The following SPATS2L variants were observed in gnomAD, a reference collection of about 807,000 sequenced individuals.
The protein encoded by SPATS2L is SPATS2-like protein.
SPATS2L carries 30 observed loss-of-function variants against 59.6 expected under a neutral mutation model. The observed-to-expected ratio is 0.50, with a 90% confidence interval of 0.38 to 0.68. The LOEUF is 0.68. Ranked by LOEUF, SPATS2L falls within the 30% of genes least tolerant of loss-of-function variation. SPATS2L has a pLI of 0.00. For missense variants in SPATS2L, 615 were observed against 700.0 expected (o/e 0.88, Z 1.37); for synonymous variants, 252 against 263.5 (o/e 0.96, Z 0.42).
chr2:200,421,615 T>G (rs553062081), intron 6 of SPATS2L, among the ~76,000 whole-genome samples: 2 of 152,344 alleles, frequency 1.3e-5, no homozygotes, highest in African/African-American at 4.8e-5. Context: ...CTAATAGTGC[T>G]GAAACTCATG....
chr2:200,343,389 G>T (rs1204685139), intron 2 of SPATS2L, among the ~76,000 whole-genome samples: 1 of 152,114 alleles, frequency 6.6e-6, no homozygotes, highest in African/African-American at 2.4e-5. Context: ...CAGAATTATG[G>T]ATACAAGCAC....
chr2:200,338,487 G>A (rs2080215561), intron 2 of SPATS2L, among the ~76,000 whole-genome samples: 1 of 152,158 alleles, frequency 6.6e-6, no homozygotes, highest in Admixed American at 6.5e-5. Flanking sequence ...CAAAAAACCT[G>A]AACAAGGCAA....
At chr2:200,328,763 T>C (rs1380577343) in intron 1 of SPATS2L, among the ~76,000 whole-genome samples, 2 of 152,186 alleles carry the variant, frequency 1.3e-5, no homozygotes, top group Non-Finnish European at 2.9e-5. Flanking sequence ...GAGTGATTGA[T>C]TGGTTGACTT....
chr2:200,354,213 G>A (rs2080834092), intron 2 of SPATS2L, among the ~76,000 whole-genome samples: 1 of 152,186 alleles, frequency 6.6e-6, no homozygotes, highest in Admixed American at 6.5e-5. Context: ...AGAAAGGGGT[G>A]TTGATGTTCC....
chr2:200,397,182 G>A (rs1304558687), intron 3 of SPATS2L, among the ~76,000 whole-genome samples: 1 of 152,184 alleles, frequency 6.6e-6, no homozygotes, highest in Non-Finnish European at 1.5e-5. Context: ...TTTCCTGGTA[G>A]CCCCTGTGCA....
At chr2:200,369,222 G>A (rs563276539) in intron 2 of SPATS2L, among the ~76,000 whole-genome samples, 36 of 152,154 alleles carry the variant, frequency 2.4e-4, no homozygotes, top group Admixed American at 3.3e-4. Flanking sequence ...GCAGTGGTGC[G>A]ATCTCAGCCC....
intron 4 of SPATS2L, among the ~76,000 whole-genome samples, chr2:200,415,697 A>T (rs2083031467): frequency 6.6e-6 from 1 of 151,982 alleles, no homozygotes; most frequent in East Asian, 1.9e-4. Context: ...AATTTAATAT[A>T]ATTTGAATAT....
rs1372426593 is a variant in SPATS2L at position 200,480,225 on chromosome 2, G to C, written c.*2194G>C. 1 of 152,782 alleles carries C rather than the reference G, an allele frequency of 6.5e-6. No individual in the cohort carries two copies. The highest frequency in any genetic ancestry group is 2.4e-5 in the African/African-American group (1 of 41,376). 9.5% of individuals were successfully genotyped at this position (152,782 alleles called of 1,614,324 possible). A position where few individuals can be genotyped will look rare whatever the true frequency, so the allele number is the denominator to read the frequency against. ...CCTCGACTCACTCCCTTAGGGTTAAGAAAGCCCAAACACATTCCTGAGCAC... is the reference window on the plus strand; with the variant it reads ...CCTCGACTCACTCCCTTAGGGTTAACAAAGCCCAAACACATTCCTGAGCAC... On this transcript the variant is annotated 3_prime_UTR_variant, in exon 13 of 13. Coordinates refer to ENST00000409140, the MANE Select transcript of SPATS2L (RefSeq NM_001100423.2).
intron 2 of SPATS2L, among the ~76,000 whole-genome samples, chr2:200,359,571 AT>A (rs2081029620): frequency 6.6e-6 from 1 of 152,162 alleles, no homozygotes; most frequent in African/African-American, 2.4e-5. Flanking sequence ...TCTGCAATAT[AT>A]TGGCGCTCAA....
At chr2:200,320,450 T>G (rs1354938906) in intron 1 of SPATS2L, among the ~76,000 whole-genome samples, 1 of 152,206 alleles carries the variant, frequency 6.6e-6, no homozygotes, top group Non-Finnish European at 1.5e-5. Context: ...TTCTATTCTC[T>G]TTACAGAATC....
intron 1 of SPATS2L, among the ~76,000 whole-genome samples, chr2:200,317,222 C>T (rs74390613): frequency 0.027 from 4,145 of 152,274 alleles, 87 homozygotes; most frequent in Non-Finnish European, 0.042. Context: ...AAAAAGAGGA[C>T]GGGCTTTGGC....
intron 2 of SPATS2L, 84 bp from the exon 3 acceptor site, chr2:200,389,135 GAAGT>G: frequency 2.6e-6 from 2 of 762,480 alleles, no homozygotes; most frequent in Non-Finnish European, 4.3e-6. Context: ...ATGACCGAAT[GAAGT>G]TGTTTACTGT....
At chr2:200,351,159 C>T (rs1169345215) in intron 2 of SPATS2L, 7 of 456,866 alleles carry the variant, frequency 1.5e-5, no homozygotes, top group East Asian at 1.4e-4. Flanking sequence ...GAAAGCAGTG[C>T]GAACTCTGAG....
At chr2:200,412,196 A>G in intron 3 of SPATS2L, 115 bp from the exon 4 acceptor site, 2 of 585,476 alleles carry the variant, frequency 3.4e-6, no homozygotes, top group Non-Finnish European at 5.8e-6. Context: ...AAGGTAGATT[A>G]GTTGGCTTTT....
intron 3 of SPATS2L, among the ~76,000 whole-genome samples, chr2:200,397,106 C>T (rs942737414): frequency 6.6e-5 from 10 of 152,192 alleles, no homozygotes; most frequent in Admixed American, 6.5e-4. Flanking sequence ...TTCCAGGCTA[C>T]ATGATCGGAA....
At position 200,477,690 on chromosome 2, in the gene SPATS2L, C is replaced by A. The variant is rs767462593; in HGVS notation, c.1336C>A (p.Leu446Ile). The change falls in exon 13 of 13, where the codon CTA (leucine) becomes ATA (isoleucine). Residue 446 changes from leucine (L) to isoleucine (I), a missense_variant. Leu to Ile is a conservative substitution (Grantham distance 5). Around this residue, in one of 3 missense-constraint regions of SPATS2L, gnomAD observed 284 missense variants for 280.1 expected, o/e 1.01. Coordinates refer to ENST00000409140, the MANE Select transcript of SPATS2L (RefSeq NM_001100423.2). ...RFNPQYHNNR[L>I]NGPAKSQGSG... Reference sequence around the variant, plus strand: ...TAATCCACAGTATCATAACAACAGGCTAAATGGGCCTGCCAAGTCGCAGGG... The same window carrying A: ...TAATCCACAGTATCATAACAACAGGATAAATGGGCCTGCCAAGTCGCAGGG... 4 of 1,565,680 alleles carry A rather than the reference C, an allele frequency of 2.6e-6. No individual in the cohort carries two copies. Among genetic ancestry groups the A allele is most frequent in the South Asian group, 1.2e-5 (1 of 85,118 alleles).
intron 1 of SPATS2L, among the ~76,000 whole-genome samples, chr2:200,321,153 TGTGA>T (rs1042393847): frequency 1.3e-5 from 2 of 152,302 alleles, no homozygotes; most frequent in Non-Finnish European, 2.9e-5. Flanking sequence ...TGTGTGAGGT[TGTGA>T]GTGTGTGTGC....
chr2:200,341,884 G>T (rs985815873), intron 2 of SPATS2L, among the ~76,000 whole-genome samples: 4 of 151,882 alleles, frequency 2.6e-5, no homozygotes, highest in Non-Finnish European at 4.4e-5. Flanking sequence ...TAGAGATGGG[G>T]TTTCACCATG....
chr2:200,465,079 C>T (rs2086500067), intron 9 of SPATS2L, among the ~76,000 whole-genome samples: 1 of 152,222 alleles, frequency 6.6e-6, no homozygotes, highest in Non-Finnish European at 1.5e-5. Context: ...GCACTAGGTG[C>T]CATGGACACA....
Sources: gnomAD v4.1 joint callset for allele counts (sites outside exome capture counted in the v4.1 genomes callset) on GRCh38, gnomAD v4.1.1 for gene constraint, gnomAD v4.1.1 regional missense constraint, MANE v1.5 for transcripts, NCBI Gene and HGNC (gene_info 2026-07-23, HGNC 2026-07-21) for gene names.